Variants in AGPAT2 observed in about 807,000 individuals in gnomAD.
The protein encoded by AGPAT2 is 1-acyl-sn-glycerol-3-phosphate acyltransferase beta.
In AGPAT2, 18 loss-of-function variants were observed where a neutral mutation model predicts 26.1. The observed-to-expected ratio is 0.69, with a 90% CI of 0.48 to 1.02. The LOEUF (loss-of-function observed/expected upper bound fraction) is 1.02, where lower values mean the gene tolerates loss of function less well. Ranked by LOEUF, AGPAT2 falls within the 50% of genes least tolerant of loss-of-function variation. The probability of loss-of-function intolerance (pLI) is 0.00; values close to 1 mark genes in which losing one functional copy is unlikely to be tolerated. For missense variants in AGPAT2, 415 were observed against 394.9 expected (o/e 1.05, Z -0.43); for synonymous variants, 200 against 174.2 (o/e 1.15, Z -1.16).
intron 1 of AGPAT2, among the ~76,000 whole-genome samples, chr9:136,677,910 C>T (rs967155586): frequency 1.3e-5 from 2 of 152,220 alleles, no homozygotes; most frequent in African/African-American, 4.8e-5. Flanking sequence ...CTGGCACTGG[C>T]TCTCACGTCC....
chr9:136,675,030 T>C (rs142559939), intron 4 of AGPAT2, among the ~76,000 whole-genome samples: 255 of 152,234 alleles, frequency 1.7e-3, no homozygotes, highest in Admixed American at 7.4e-3. Flanking sequence ...ACTCATCTCC[T>C]CTAGGAAGCC....
At position 136,676,683 on chromosome 9, in the gene AGPAT2, G is replaced by A. The variant is rs764555217; in HGVS notation, c.493-3C>T. 2.0e-5 allele frequency: 32 copies of A among 1,613,082 alleles called. No homozygotes were observed. Among genetic ancestry groups the A allele is most frequent in the Non-Finnish European group, 2.6e-5 (31 of 1,179,582 alleles). ...TCGGGATAGATCCACACTTTGAGCT[G>A]CAGGGAGAGGAGAGCCTGGACTGAC... On this transcript the variant is annotated splice_polypyrimidine_tract_variant and splice_region_variant and intron_variant, in intron 3 of 5. Coordinates refer to ENST00000371696, the MANE Select transcript of AGPAT2 (RefSeq NM_006412.4).
In AGPAT2 at chr9:136,681,934, C is replaced by A. The variant is rs565472252; in HGVS notation, c.183-4378G>T. 7.9e-5 allele frequency among the ~76,000 whole-genome samples: 12 copies of A among 152,270 alleles called. No homozygotes were observed. In the East Asian group the frequency reaches 2.3e-3, roughly 29 times the overall value. On this transcript the variant is annotated intron_variant, in intron 1 of 5. Coordinates refer to ENST00000371696, the MANE Select transcript of AGPAT2 (RefSeq NM_006412.4). ...CTTCTAAGCACAGAGGCCCCCTGCA[C>A]CTCCTGTGTGCAAAGCCTCGAGACA... is the stretch of plus-strand genomic sequence containing the variant.
intron 4 of AGPAT2, among the ~76,000 whole-genome samples, chr9:136,675,668 G>A (rs552291238): frequency 1.1e-4 from 17 of 152,150 alleles, no homozygotes; most frequent in South Asian, 6.2e-4. Context: ...CATCACAGCC[G>A]CCCGTCTCCC....
chr9:136,677,658 C>T, intron 1 of AGPAT2, 102 bp from the exon 2 acceptor site: 2 of 1,436,626 alleles, frequency 1.4e-6, no homozygotes. Flanking sequence ...GGGGAGGGGC[C>T]CTCCTGGCAC....
chr9:136,687,364 G>C lies in AGPAT2; in HGVS notation c.-7C>G, dbSNP rs764944742. On this transcript the variant is annotated 5_prime_UTR_variant, in exon 1 of 6. Transcript: ENST00000371696. ...GACACGGCCACAGCTCCATGGCCCGGCCCGGCGCCCGACGGCGCCGCCAGC... is the reference window on the plus strand; with the variant it reads ...GACACGGCCACAGCTCCATGGCCCGCCCCGGCGCCCGACGGCGCCGCCAGC... The C allele has an allele frequency of 6.8e-7, 1 of 1,462,212 alleles. No homozygotes were observed. The highest frequency in any genetic ancestry group is 9.0e-7 in the Non-Finnish European group (1 of 1,114,634). 90.6% of individuals were successfully genotyped at this position (1,462,212 alleles called of 1,614,324 possible).
At position 136,687,285 on chromosome 9, in the gene AGPAT2, C is replaced by T. The variant is rs1273212998; in HGVS notation, c.73G>A (p.Glu25Lys). 2 of 1,584,870 alleles carry T rather than the reference C, an allele frequency of 1.3e-6. No homozygotes were observed. Among genetic ancestry groups the T allele is most frequent in the Admixed American group, 3.5e-5 (2 of 57,888 alleles). ...LLLVQLSRAA[E>K]FYAKVALYCA... is the part of the protein sequence containing the mutation. Reference sequence around the variant, plus strand: ...TACAGGGCGACCTTGGCGTAGAACTCGGCCGCGCGGCTCAGCTGCACCAGC... The same window carrying T: ...TACAGGGCGACCTTGGCGTAGAACTTGGCCGCGCGGCTCAGCTGCACCAGC... Residue 25 changes from glutamate (E) to lysine (K), a missense_variant, in exon 1 of 6, where the codon GAG becomes AAG. Physicochemically the swap from Glu to Lys is moderately conservative, Grantham distance 56 (BLOSUM62 1). Transcript: ENST00000371696.
intron 1 of AGPAT2, among the ~76,000 whole-genome samples, chr9:136,683,357 C>T (rs555056189): frequency 6.6e-6 from 1 of 152,360 alleles, no homozygotes; most frequent in South Asian, 2.1e-4. Context: ...CCAGGCTGTC[C>T]TCGTGGAAGG....
chr9:136,680,533 T>C (rs1457668460), intron 1 of AGPAT2, among the ~76,000 whole-genome samples: 1 of 151,932 alleles, frequency 6.6e-6, no homozygotes, highest in Non-Finnish European at 1.5e-5. Flanking sequence ...GGCCAGCTAG[T>C]TTCTTAGTGT....
chr9:136,679,323 C>A (rs539901158), intron 1 of AGPAT2, among the ~76,000 whole-genome samples: 1 of 152,292 alleles, frequency 6.6e-6, no homozygotes, highest in South Asian at 2.1e-4. Flanking sequence ...ATGCTCATGA[C>A]CCCCTGTTGC....
chr9:136,673,769 C>G lies in AGPAT2; in HGVS notation c.820G>C (p.Val274Leu). 6.3e-7 allele frequency: 1 copy of G among 1,598,592 alleles called. No homozygotes were observed. The highest frequency in any genetic ancestry group is 8.5e-7 in the Non-Finnish European group (1 of 1,174,230). ...GGTCTGGGCTACTGGGCCGGCTGCA[C>G]GCCAGACCCCGCAGTGGCCCCGTTC... is the stretch of plus-strand genomic sequence containing the variant. ...QENGATAGSG[V>L]QPAQ Residue 274 changes from valine to leucine, a missense_variant, in exon 6 of 6, where the codon GTG becomes CTG. By Grantham distance (32) the Val-to-Leu change is conservative (BLOSUM62 1). Coordinates refer to ENST00000371696, the MANE Select transcript of AGPAT2 (RefSeq NM_006412.4).
chr9:136,683,075 AG>A (rs1289117689), intron 1 of AGPAT2, among the ~76,000 whole-genome samples: 7 of 36,766 alleles, frequency 1.9e-4, no homozygotes, highest in Admixed American at 2.9e-4. Context: ...GGTGGGGGGG[AG>A]GGGGGGAAGA....
At chr9:136,684,685 G>C (rs1471929330) in intron 1 of AGPAT2, among the ~76,000 whole-genome samples, 2 of 152,196 alleles carry the variant, frequency 1.3e-5, no homozygotes, top group Non-Finnish European at 1.5e-5. Context: ...CAAGGGGAAA[G>C]GGAAAAGCAG....
At chr9:136,685,025 G>A (rs1355351970) in intron 1 of AGPAT2, among the ~76,000 whole-genome samples, 2 of 152,210 alleles carry the variant, frequency 1.3e-5, no homozygotes, top group South Asian at 4.1e-4. Flanking sequence ...CCATTGCTGG[G>A]AGTCTTGGAA....
Position 136,677,147 on chromosome 9 carries a change from G to GAGAGAC in AGPAT2, c.317-17_317-12dup, listed in dbSNP as rs759504413. On this transcript the variant is annotated splice_polypyrimidine_tract_variant and intron_variant, in intron 2 of 5. Transcript: ENST00000371696. ...GGACCTCCATGAGGCCTGGGAGACAGAGAGACAGAGACAGAGAGAGAGGGG... is the reference window on the plus strand; with the variant it reads ...GGACCTCCATGAGGCCTGGGAGACAGAGAGACAGAGACAGAGACAGAGAGAGAGGGG... 5 of 1,612,540 alleles carry GAGAGAC rather than the reference G, an allele frequency of 3.1e-6. No individual in the cohort carries two copies. Among genetic ancestry groups the GAGAGAC allele is most frequent in the East Asian group, 4.5e-5 (2 of 44,874 alleles).
chr9:136,679,925 C>T (rs9411262), intron 1 of AGPAT2, among the ~76,000 whole-genome samples: 101,878 of 152,102 alleles, frequency 0.67, 34,459 homozygotes, highest in East Asian at 0.85. Context: ...ATTCGCCCGA[C>T]GGCTGGAGTG....
chr9:136,677,519 A>C lies in AGPAT2; in HGVS notation c.220T>G (p.Tyr74Asp), dbSNP rs767679550. 3 of 1,612,974 alleles carry C rather than the reference A, an allele frequency of 1.9e-6. No homozygotes were observed. Among genetic ancestry groups the C allele is most frequent in the Non-Finnish European group, 2.5e-6 (3 of 1,179,950 alleles). Residue 74 changes from tyrosine (Y) to aspartate (D), a missense_variant, in exon 2 of 6, where the codon TAC becomes GAC. By Grantham distance (160) the Tyr-to-Asp change is radical. Transcript: ENST00000371696. Reference sequence around the variant, plus strand: ...TCCCGCACCTCGAAGCGGAGCCCGTAAAAGTACTTGAAGCTTCGCACGAAC... The same window carrying C: ...TCCCGCACCTCGAAGCGGAGCCCGTCAAAGTACTTGAAGCTTCGCACGAAC... ...GWFVRSFKYF[Y>D]GLRFEVRDPR...
intron 1 of AGPAT2, among the ~76,000 whole-genome samples, chr9:136,682,774 G>T (rs1846176324): frequency 1.3e-5 from 2 of 152,194 alleles, no homozygotes; most frequent in African/African-American, 4.8e-5. Context: ...CTGGCCTCGA[G>T]CGAAGCCCCG....
intron 4 of AGPAT2, among the ~76,000 whole-genome samples, chr9:136,675,569 G>A (rs991924198): frequency 1.3e-5 from 2 of 151,270 alleles, no homozygotes; most frequent in Admixed American, 1.3e-4. Context: ...GAGGGAGGGG[G>A]CCAGCAGGTA....
Sources: allele counts gnomAD v4.1 joint callset (sites outside exome capture counted in the v4.1 genomes callset), GRCh38; gene constraint gnomAD v4.1.1; transcripts MANE v1.5; gene names NCBI Gene and HGNC (gene_info 2026-07-23, HGNC 2026-07-21).